ARAP1: variants seen among roughly 807,000 people sequenced by gnomAD.
ARAP1 encodes ArfGAP with RhoGAP domain, ankyrin repeat and PH domain 1.
A neutral mutation model predicts 172.2 loss-of-function variants in ARAP1; 76 were observed. The observed-to-expected ratio is 0.44, with a 90% CI of 0.37 to 0.53. The LOEUF (loss-of-function observed/expected upper bound fraction) is 0.53, where lower values mean the gene tolerates loss of function less well. Among genes scored for constraint, ARAP1 ranks in the 20% least tolerant of loss-of-function variants. The pLI is 0.00. For synonymous variants in ARAP1, 804 were observed against 803.3 expected, an observed-to-expected ratio of 1.00 and a Z score of -0.01; for missense variants, 1,686 against 1,977.5, an observed-to-expected ratio of 0.85 and a Z score of 2.80.
chr11:72,688,130 C>T (rs543206571), intron 31 of ARAP1, among the ~76,000 whole-genome samples: 1 of 152,160 alleles, frequency 6.6e-6, no homozygotes, highest in East Asian at 1.9e-4. Flanking sequence ...TCCTGAGTAG[C>T]GCGCCACCAA....
intron 15 of ARAP1, 91 bp from the exon 16 acceptor site, chr11:72,701,874 A>C (rs1364949305): frequency 1.9e-5 from 29 of 1,505,942 alleles, no homozygotes; most frequent in Non-Finnish European, 2.6e-5. Flanking sequence ...ATTCAGGCTC[A>C]CTTTCGAATC....
At position 72,685,262 on chromosome 11, in the gene ARAP1, G is replaced by A. The variant is rs528485968; in HGVS notation, c.*402C>T. Reference sequence around the variant, plus strand: ...AGCTGAGTGCTCCTCTACAGCACCCGCTTTCTGCTGTTCTGGAGTTTGTTG... The same window carrying A: ...AGCTGAGTGCTCCTCTACAGCACCCACTTTCTGCTGTTCTGGAGTTTGTTG... On this transcript the variant is annotated 3_prime_UTR_variant, in exon 35 of 35. Transcript: ENST00000393609. 1.3e-5 allele frequency: 3 copies of A among 235,778 alleles called. No homozygotes were observed. The highest frequency in any genetic ancestry group is 1.7e-5 in the Non-Finnish European group (2 of 118,188). 14.6% of individuals were successfully genotyped at this position (235,778 alleles called of 1,614,324 possible).
intron 29 of ARAP1, 120 bp from the exon 30 acceptor site, chr11:72,692,905 G>A (rs896812635): frequency 7.7e-7 from 1 of 1,294,946 alleles, no homozygotes; most frequent in African/African-American, 1.5e-5. Flanking sequence ...GGTGGAGGGT[G>A]TCAAATGGAG....
chr11:72,726,850 A>G lies in ARAP1; in HGVS notation c.279T>C (p.Pro93=), dbSNP rs1387005334. Residue 93 remains proline, a synonymous_variant, in exon 3 of 35, where the codon CCT becomes CCC. Transcript: ENST00000393609. This position sits in a 1 kb window ranked among gnomAD's most constrained non-coding sequence, Gnocchi z 6.5. ...PMKRHIFRSP[P]VPATPPEPLP... is the part of the protein sequence containing the mutation. ...GCGGCTCGGGTGGAGTGGCAGGCAC[A>G]GGTGGTGAGCGGAAGATGTGGCGCT... 17 of 1,491,156 alleles carry G rather than the reference A, an allele frequency of 1.1e-5. No homozygotes were observed. Among genetic ancestry groups the G allele is most frequent in the Non-Finnish European group, 1.5e-5 (17 of 1,111,308 alleles). The allele number at this position is 1,491,156 out of a possible 1,614,324, so 92.4% of individuals were successfully genotyped here. A position where few individuals can be genotyped will look rare whatever the true frequency, so the allele number is the denominator to read the frequency against.
Position 72,687,753 on chromosome 11 carries a change from G to A in ARAP1, c.4071-15C>T, listed in dbSNP as rs1855751612. 3 of 1,613,996 alleles carry A rather than the reference G, an allele frequency of 1.9e-6. No individual in the cohort carries two copies. The highest frequency in any genetic ancestry group is 2.7e-5 in the African/African-American group (2 of 74,918). ...TGAAGCCCCAGCTACAGAGGAAGAA[G>A]GGAGAGAGTTGGGTGTTTGACAGGC... On this transcript the variant is annotated splice_polypyrimidine_tract_variant and intron_variant, in intron 31 of 34. Transcript: ENST00000393609.
At chr11:72,722,549 G>A (rs543702904) in intron 3 of ARAP1, among the ~76,000 whole-genome samples, 163 of 152,344 alleles carry the variant, frequency 1.1e-3, no homozygotes, top group Non-Finnish European at 2.1e-3. Flanking sequence ...AGACAGAGAG[G>A]CTAGGAAAGA....
chr11:72,716,804 C>T (rs563000343), intron 3 of ARAP1, among the ~76,000 whole-genome samples: 183 of 152,310 alleles, frequency 1.2e-3, no homozygotes, highest in African/African-American at 4.3e-3. Context: ...GCTTCAAAGA[C>T]CCCATGGCAG....
At chr11:72,721,296 C>T (rs912493591) in intron 3 of ARAP1, among the ~76,000 whole-genome samples, 2 of 152,158 alleles carry the variant, frequency 1.3e-5, no homozygotes, top group African/African-American at 4.8e-5. Flanking sequence ...TCCATAAGCA[C>T]CCACCACAGC....
chr11:72,745,355 ATTTTTTTTT>A (rs35656290), intron 1 of ARAP1, among the ~76,000 whole-genome samples: 6 of 110,740 alleles, frequency 5.4e-5, no homozygotes, highest in South Asian at 6.5e-4. Context: ...CGTCCGGCTA[ATTTTTTTTT>A]TTTTTTTTTT....
intron 1 of ARAP1, among the ~76,000 whole-genome samples, chr11:72,735,824 C>G (rs972830085): frequency 6.6e-6 from 1 of 152,144 alleles, no homozygotes; most frequent in Non-Finnish European, 1.5e-5. Flanking sequence ...CACGGTGACT[C>G]GGCACTGACA....
chr11:72,743,529 G>A (rs1224739202), intron 1 of ARAP1, among the ~76,000 whole-genome samples: 1 of 152,216 alleles, frequency 6.6e-6, no homozygotes, highest in African/African-American at 2.4e-5. Flanking sequence ...AGCTCACCCT[G>A]CTCAGGAGGC....
chr11:72,742,535 A>G (rs1418524632), intron 1 of ARAP1, among the ~76,000 whole-genome samples: 1 of 152,118 alleles, frequency 6.6e-6, no homozygotes, highest in Non-Finnish European at 1.5e-5. Flanking sequence ...AGGGGAGGTT[A>G]AGTGATAGAG....
intron 12 of ARAP1, 117 bp downstream of exon 12, chr11:72,707,058 C>T: frequency 1.8e-6 from 2 of 1,126,312 alleles, no homozygotes; most frequent in South Asian, 3.7e-5. Flanking sequence ...GCCTCATCAA[C>T]AGCAGCTCTC....
chr11:72,690,259 C>A (rs1425459154), intron 30 of ARAP1, among the ~76,000 whole-genome samples: 1 of 152,142 alleles, frequency 6.6e-6, no homozygotes, highest in Non-Finnish European at 1.5e-5. Context: ...GACATTCAAA[C>A]CAGGCTGTGG....
chr11:72,696,520 C>A, intron 23 of ARAP1, 29 bp downstream of exon 23: 1 of 1,472,428 alleles, frequency 6.8e-7, no homozygotes, highest in Non-Finnish European at 9.1e-7. Context: ...CCCATCCCCC[C>A]AGAATCTCAC....
chr11:72,724,654 T>G (rs1033672651), intron 3 of ARAP1, among the ~76,000 whole-genome samples: 2 of 152,082 alleles, frequency 1.3e-5, no homozygotes, highest in Non-Finnish European at 2.9e-5. Context: ...CCATACACTC[T>G]CTGAGTTGAG....
In ARAP1 at chr11:72,726,790, A is replaced by T; in HGVS notation, c.339T>A (p.Ala113=). 1 of 1,551,184 alleles carries T rather than the reference A, an allele frequency of 6.4e-7. No individual in the cohort carries two copies. The highest frequency in any genetic ancestry group is 8.7e-7 in the Non-Finnish European group (1 of 1,147,618). The stretch of plus-strand genomic sequence containing the variant: ...TCCTCCGGGGCGGGATGGGTGGGGC[A>T]GCGGGGAGCCCCTCATCCTCTGTAG... The part of the protein sequence containing the change: ...PTTTEDEGLP[A]APPIPPRRSC... Residue 113 remains alanine, a synonymous_variant, in exon 3 of 35, where the codon GCT becomes GCA. Coordinates refer to ENST00000393609, the MANE Select transcript of ARAP1 (RefSeq NM_001040118.3). This position sits in a 1 kb window ranked among gnomAD's most constrained non-coding sequence, Gnocchi z 6.5.
At chr11:72,733,573 C>T (rs575363921) in intron 1 of ARAP1, among the ~76,000 whole-genome samples, 2 of 152,220 alleles carry the variant, frequency 1.3e-5, no homozygotes, top group Middle Eastern at 3.4e-3. Context: ...TGCAGACAGC[C>T]GGAGCTCTGT....
intron 1 of ARAP1, among the ~76,000 whole-genome samples, chr11:72,745,446 C>T (rs113905164): frequency 1.4e-4 from 21 of 150,464 alleles, no homozygotes; most frequent in Middle Eastern, 3.4e-3. Context: ...CCTTGTGATC[C>T]GCCCGCGTCG....
Sources: allele counts gnomAD v4.1 joint callset (sites outside exome capture counted in the v4.1 genomes callset), GRCh38; gene constraint gnomAD v4.1.1; non-coding constraint Gnocchi (gnomAD v3.1); transcripts MANE v1.5; gene names NCBI Gene and HGNC (gene_info 2026-07-23, HGNC 2026-07-21).